The following USP32 variants were observed in gnomAD, a reference collection of about 807,000 sequenced individuals.
The protein encoded by USP32 is ubiquitin carboxyl-terminal hydrolase 32.
USP32 carries 59 observed loss-of-function variants against 204.8 expected under a neutral mutation model. That is an observed-to-expected ratio of 0.29 (90% confidence interval 0.23 to 0.36). USP32 has a LOEUF of 0.36. USP32 is among the 10% of genes least tolerant of loss of function. The probability of loss-of-function intolerance (pLI) is 1.00; values close to 1 mark genes in which losing one functional copy is unlikely to be tolerated. For missense variants in USP32, 1,160 were observed against 1,946.4 expected, an observed-to-expected ratio of 0.60 and a Z score of 7.60; for synonymous variants, 517 against 678.4, an observed-to-expected ratio of 0.76 and a Z score of 3.70.
chr17:60,196,270 C>CAAAAAAAGAAAAA (rs2084513379), intron 27 of USP32, among the ~76,000 whole-genome samples: 1 of 129,224 alleles, frequency 7.7e-6, no homozygotes, highest in East Asian at 2.2e-4. Context: ...ATCCCCACGC[C>CAAAAAAAGAAAAA]AAAAAAAGAA....
chr17:60,303,041 A>G (rs182833184), intron 2 of USP32, among the ~76,000 whole-genome samples: 2 of 152,280 alleles, frequency 1.3e-5, no homozygotes, highest in African/African-American at 4.8e-5. Flanking sequence ...ACCAAATTAT[A>G]TTTATAAATA....
exon 1 of USP32, chr17:60,422,259 G>C (rs1209974063): frequency 2.7e-6 from 1 of 370,394 alleles, no homozygotes; most frequent in Non-Finnish European, 4.9e-6. Context: ...GTGGTGTCAG[G>C]ATCAGCATCT....
intron 5 of USP32, 58 bp downstream of exon 5, chr17:60,288,465 C>T: frequency 6.6e-7 from 1 of 1,513,524 alleles, no homozygotes; most frequent in Non-Finnish European, 8.9e-7. Flanking sequence ...CTCATATTAC[C>T]AGCCAATTAT....
intron 1 of USP32, among the ~76,000 whole-genome samples, chr17:60,360,875 T>C (rs2089192520): frequency 1.3e-5 from 2 of 151,954 alleles, no homozygotes; most frequent in Admixed American, 1.3e-4. Flanking sequence ...ACACCTATAA[T>C]CCCAGCACTT....
intron 12 of USP32, among the ~76,000 whole-genome samples, chr17:60,232,804 C>T (rs1231892699): frequency 6.6e-6 from 1 of 151,678 alleles, no homozygotes; most frequent in African/African-American, 2.4e-5. Context: ...GCTTTGGCAT[C>T]CCAAAGTGCT....
chr17:60,227,420 C>A (rs2085424983), intron 12 of USP32, among the ~76,000 whole-genome samples: 1 of 151,786 alleles, frequency 6.6e-6, no homozygotes, highest in African/African-American at 2.4e-5. Context: ...CAGGTGCATG[C>A]CACCAAGCCC....
chr17:60,414,730 G>A (rs1271775284), intron 1 of USP32, among the ~76,000 whole-genome samples: 1 of 152,154 alleles, frequency 6.6e-6, no homozygotes, highest in Non-Finnish European at 1.5e-5. Flanking sequence ...CGCCCAGCCA[G>A]TTATTGTTTT....
In USP32 at chr17:60,392,058, C is replaced by T; in HGVS notation, c.-119G>A. The T allele has an allele frequency of 8.3e-7, 1 of 1,203,950 alleles. No homozygotes were observed. The highest frequency in any genetic ancestry group is 1.2e-6 in the Non-Finnish European group (1 of 865,316). 74.6% of individuals were successfully genotyped at this position (1,203,950 alleles called of 1,614,324 possible). A position where few individuals can be genotyped will look rare whatever the true frequency, so the allele number is the denominator to read the frequency against. On this transcript the variant is annotated 5_prime_UTR_variant, in exon 1 of 34. Coordinates refer to ENST00000300896, the MANE Select transcript of USP32 (RefSeq NM_032582.4). ...TGTCGGCGTCCCCCGCCCCCACCTC[C>T]CCCCACACTAACAAGTGCGGCTTCT...
chr17:60,266,950 G>A (rs182907492), intron 7 of USP32, among the ~76,000 whole-genome samples: 19 of 151,674 alleles, frequency 1.3e-4, no homozygotes, highest in African/African-American at 2.7e-4. Context: ...CACTGTGCCC[G>A]GCCAATTTTT....
At chr17:60,421,985 A>G in intron 1 of USP32, 4 of 975,080 alleles carry the variant, frequency 4.1e-6, no homozygotes, top group Non-Finnish European at 4.9e-6. Context: ...ATCTTTATAC[A>G]CCCCCAAAAC....
At chr17:60,323,571 G>C (rs1485448235) in intron 2 of USP32, among the ~76,000 whole-genome samples, 1 of 152,170 alleles carries the variant, frequency 6.6e-6, no homozygotes, top group Non-Finnish European at 1.5e-5. Flanking sequence ...AAAAGCCACT[G>C]AATTGTATAC....
chr17:60,350,057 AGGCTGGAATGCAGT>A (rs2088913202), intron 1 of USP32, among the ~76,000 whole-genome samples: 1 of 151,532 alleles, frequency 6.6e-6, no homozygotes, highest in Non-Finnish European at 1.5e-5. Context: ...TCTGTCACCC[AGGCTGGAATGCAGT>A]GGCATGATCT....
In USP32 at chr17:60,251,615, G is replaced by T. The variant is rs189305471; in HGVS notation, c.1136+766C>A. ...ATCTACACAAATGTGTAGCATAATA[G>T]CAATGTCACAAAGCAATGAAAGACA... On this transcript the variant is annotated intron_variant, in intron 11 of 33. Coordinates refer to ENST00000300896, the MANE Select transcript of USP32 (RefSeq NM_032582.4). Among the ~76,000 whole-genome samples the T allele has an allele frequency of 2.0e-3, 305 of 152,206 alleles. 1 individual carries two copies. Among genetic ancestry groups the T allele is most frequent in the African/African-American group, 6.9e-3 (287 of 41,540 alleles).
intron 4 of USP32, among the ~76,000 whole-genome samples, chr17:60,294,435 G>C (rs2087373575): frequency 7.0e-6 from 1 of 143,032 alleles, no homozygotes; most frequent in Admixed American, 7.0e-5. Context: ...TGAGTATATA[G>C]AATTGTGTTT....
chr17:60,346,132 G>T, intron 1 of USP32, among the ~76,000 whole-genome samples: 2 of 149,760 alleles, frequency 1.3e-5, no homozygotes, highest in African/African-American at 2.5e-5. Flanking sequence ...TTTTTTAAGA[G>T]ATGGGTCTCG....
rs1245103664 is a variant in USP32, at chr17:60,375,709, G to A, written c.58+16173C>T. ...ACCTCCGCCTCCTGGGTTCAAGTGAGTCTCCTGCCTCAGTCTCCCCAAGTA... is the reference window on the plus strand; with the variant it reads ...ACCTCCGCCTCCTGGGTTCAAGTGAATCTCCTGCCTCAGTCTCCCCAAGTA... On this transcript the variant is annotated intron_variant, in intron 1 of 33. Transcript: ENST00000300896. Among the ~76,000 whole-genome samples the A allele has an allele frequency of 5.3e-5, 8 of 151,470 alleles. No individual in the cohort carries two copies. The South Asian group carries it at 1.7e-3, about 32-fold the overall frequency.
At chr17:60,287,447 T>TA (rs370624262) in intron 5 of USP32, among the ~76,000 whole-genome samples, 16 of 152,304 alleles carry the variant, frequency 1.1e-4, no homozygotes, top group Admixed American at 4.6e-4. Flanking sequence ...TAAAAACCCT[T>TA]ACCCATGAGC....
At chr17:60,226,618 T>C (rs2085398897) in intron 12 of USP32, among the ~76,000 whole-genome samples, 1 of 152,128 alleles carries the variant, frequency 6.6e-6, no homozygotes, top group African/African-American at 2.4e-5. Context: ...ATGTAGAAAA[T>C]ATAGAAAACA....
At chr17:60,340,497 C>T (rs1322589176) in intron 2 of USP32, among the ~76,000 whole-genome samples, 2 of 152,294 alleles carry the variant, frequency 1.3e-5, no homozygotes, top group East Asian at 3.9e-4. Flanking sequence ...ACAACCCCTG[C>T]TTTTTTTGGC....
Sources: allele counts gnomAD v4.1 joint callset (sites outside exome capture counted in the v4.1 genomes callset), GRCh38; gene constraint gnomAD v4.1.1; transcripts MANE v1.5; gene names NCBI Gene and HGNC (gene_info 2026-07-23, HGNC 2026-07-21).